Variants in PROX2 observed in about 807,000 individuals in gnomAD.
PROX2 encodes prospero homeobox 2.
A neutral mutation model predicts 48.9 loss-of-function variants in PROX2; 46 were observed. The observed-to-expected ratio is 0.94, with a 90% CI of 0.74 to 1.20. PROX2 has a LOEUF of 1.20. Among genes scored for constraint, PROX2 ranks in the 50% most tolerant of loss-of-function variants. The pLI is 0.00. For missense variants in PROX2, 663 were observed against 719.4 expected, an observed-to-expected ratio of 0.92 and a Z score of 0.90; for synonymous variants, 260 against 276.6, an observed-to-expected ratio of 0.94 and a Z score of 0.60.
intron 2 of PROX2, among the ~76,000 whole-genome samples, chr14:74,870,439 A>ATACACACACACAC (rs1555371979): frequency 6.3e-4 from 19 of 29,950 alleles, no homozygotes; most frequent in African/African-American, 3.3e-3. Context: ...AAAAAAAAAA[A>ATACACACACACAC]ATACACACAC....
rs550531396 is a variant in PROX2 at position 74,866,688 on chromosome 14, G to A, written c.-174-2680C>T. ...ACAGGGAGAAAAAAGCCTGATTGAC[G>A]TGGATTTAAGGGAGAGGACAAGAAG... On this transcript the variant is annotated intron_variant, in intron 2 of 5. Coordinates refer to ENST00000556489, the MANE Select transcript of PROX2 (RefSeq NM_001243007.2). 1.7e-4 allele frequency among the ~76,000 whole-genome samples: 26 copies of A among 152,308 alleles called. 1 individual carries two copies. The highest frequency in any genetic ancestry group is 6.2e-4 in the South Asian group (3 of 4,826).
In PROX2 at chr14:74,862,648, T is replaced by C. The variant is rs374409332; in HGVS notation, c.1187A>G (p.Gln396Arg). 2.5e-6 allele frequency: 4 copies of C among 1,613,930 alleles called. No homozygotes were observed. Among genetic ancestry groups the C allele is most frequent in the Non-Finnish European group, 3.4e-6 (4 of 1,179,906 alleles). Reference sequence around the variant, plus strand: ...GGCAGAGGTGAAAGGCAAGGGACACTGCTGCTGGCTCAGGACCAATGGTTG... The same window carrying C: ...GGCAGAGGTGAAAGGCAAGGGACACCGCTGCTGGCTCAGGACCAATGGTTG... ...KPQPLVLSQQ[Q>R]CPLPFTSAHL... is the part of the protein sequence containing the mutation. The change falls in exon 3 of 6, where the codon CAG (glutamine) becomes CGG (arginine). Residue 396 changes from glutamine (Q) to arginine (R), a missense_variant. By Grantham distance (43) the Gln-to-Arg change is conservative. Transcript: ENST00000556489.
intron 1 of PROX2, chr14:74,874,138 A>G: frequency 1.9e-6 from 1 of 522,556 alleles, no homozygotes; most frequent in Non-Finnish European, 3.9e-6. Flanking sequence ...CAAGAACAGC[A>G]GTATATTCTT....
Position 74,854,182 on chromosome 14 carries a change from G to A in PROX2, c.*950C>T. Reference sequence around the variant, plus strand: ...GAAGTTCAGCTTCTTCTGCATATATGAGGTTGGGGCACCAATTGCAATGGT... The same window carrying A: ...GAAGTTCAGCTTCTTCTGCATATATAAGGTTGGGGCACCAATTGCAATGGT... On this transcript the variant is annotated 3_prime_UTR_variant, in exon 6 of 6. Transcript: ENST00000556489. The A allele has an allele frequency of 2.4e-6, 1 of 420,556 alleles. No individual in the cohort carries two copies. Among genetic ancestry groups the A allele is most frequent in the Non-Finnish European group, 4.8e-6 (1 of 208,322 alleles). 26.1% of individuals were successfully genotyped at this position (420,556 alleles called of 1,614,324 possible).
chr14:74,873,789 G>T lies in PROX2; in HGVS notation c.-310+2106C>A, dbSNP rs1186370781. ...ACAGTATCCCACCAAGCTTCACATT[G>T]CAGCATGTATGCTGTATGCAATCCA... On this transcript the variant is annotated intron_variant, in intron 1 of 5. Coordinates refer to ENST00000556489, the MANE Select transcript of PROX2 (RefSeq NM_001243007.2). 3 of 461,994 alleles carry T rather than the reference G, an allele frequency of 6.5e-6. No homozygotes were observed. In the East Asian group the frequency reaches 1.7e-4, roughly 25 times the overall value. 28.6% of individuals were successfully genotyped at this position (461,994 alleles called of 1,614,324 possible). A position where few individuals can be genotyped will look rare whatever the true frequency, so the allele number is the denominator to read the frequency against.
Position 74,876,086 on chromosome 14 carries a change from G to T in PROX2, c.-501C>A, listed in dbSNP as rs1883338181. ...CGTGGCTGGGTGAGGGGAGGCTCTGGCCCCTTCTTAGCACAAGGCACTGTC... is the reference window on the plus strand; with the variant it reads ...CGTGGCTGGGTGAGGGGAGGCTCTGTCCCCTTCTTAGCACAAGGCACTGTC... On this transcript the variant is annotated 5_prime_UTR_variant, in exon 1 of 6. Transcript: ENST00000556489. 6.6e-6 allele frequency among the ~76,000 whole-genome samples: 1 copy of T among 152,204 alleles called. No individual in the cohort carries two copies. The highest frequency in any genetic ancestry group is 1.5e-5 in the Non-Finnish European group (1 of 68,038).
intron 1 of PROX2, among the ~76,000 whole-genome samples, chr14:74,871,560 G>A (rs1883216546): frequency 6.6e-6 from 1 of 152,044 alleles, no homozygotes; most frequent in Non-Finnish European, 1.5e-5. Context: ...GATCACCTGA[G>A]CCCAGGAGTT....
chr14:74,875,112 T>C (rs1189142105), intron 1 of PROX2, among the ~76,000 whole-genome samples: 1 of 151,828 alleles, frequency 6.6e-6, no homozygotes, highest in Non-Finnish European at 1.5e-5. Flanking sequence ...GCCATTGCAC[T>C]CCAGCCTGGG....
intron 3 of PROX2, chr14:74,861,362 G>A (rs768487995): frequency 3.0e-4 from 158 of 519,444 alleles, no homozygotes; most frequent in Non-Finnish European, 4.3e-4. Flanking sequence ...TGTTAGAAGT[G>A]GTCATATGGG....
chr14:74,855,177 G>A lies in PROX2; in HGVS notation c.1734C>T (p.Asp578=). ...KPIYKIISKL[D]SDIPEIFKSS... Reference sequence around the variant, plus strand: ...ATTTGAATATCTCTGGGATGTCACTGTCCAGTTTCGAAATAATTTTATAAA... The same window carrying A: ...ATTTGAATATCTCTGGGATGTCACTATCCAGTTTCGAAATAATTTTATAAA... Residue 578 remains aspartate (D), a synonymous_variant, in exon 6 of 6, where the codon GAC becomes GAT. Transcript: ENST00000556489. The A allele has an allele frequency of 1.3e-6, 2 of 1,594,690 alleles. No homozygotes were observed. The highest frequency in any genetic ancestry group is 1.7e-6 in the Non-Finnish European group (2 of 1,167,528).
intron 3 of PROX2, chr14:74,858,767 G>T (rs1431243025): frequency 1.1e-5 from 4 of 368,122 alleles, no homozygotes; most frequent in East Asian, 5.4e-5. Flanking sequence ...TCAAATACAG[G>T]TTGGTGTATT....
In PROX2 at chr14:74,855,305, G is replaced by A. The variant is rs960851754; in HGVS notation, c.1609-3C>T. On this transcript the variant is annotated splice_polypyrimidine_tract_variant and splice_region_variant and intron_variant, in intron 5 of 5. Coordinates refer to ENST00000556489, the MANE Select transcript of PROX2 (RefSeq NM_001243007.2). ...ATTTCCAAGAAGCAATCTGGAACCT[G>A]CATTTCCAAAGAGACCCACAAGAAA... The A allele has an allele frequency of 5.2e-6, 8 of 1,546,104 alleles. No individual in the cohort carries two copies. The African/African-American group carries it at 1.1e-4, about 21-fold the overall frequency.
chr14:74,871,705 G>A (rs2080086), intron 1 of PROX2: 50,691 of 152,114 alleles, frequency 0.33, 8,737 homozygotes, highest in African/African-American at 0.4. Context: ...CCAGGAGGTC[G>A]AGGCTATAGT....
rs554733085 is a variant in PROX2, at chr14:74,854,644, T to G, written c.*488A>C. On this transcript the variant is annotated 3_prime_UTR_variant, in exon 6 of 6. Coordinates refer to ENST00000556489, the MANE Select transcript of PROX2 (RefSeq NM_001243007.2). ...GAAAAGCTTAAAGTATGTGAAAGTA[T>G]CTAGCAAATAGATGGCGCTTTATAA... 6.5e-6 allele frequency: 1 copy of G among 153,732 alleles called. No homozygotes were observed. The highest frequency in any genetic ancestry group is 2.4e-5 in the African/African-American group (1 of 41,564). The allele number at this position is 153,732 out of a possible 1,614,324, so 9.5% of individuals were successfully genotyped here. A position where few individuals can be genotyped will look rare whatever the true frequency, so the allele number is the denominator to read the frequency against.
chr14:74,863,329 C>G lies in PROX2; in HGVS notation c.506G>C (p.Gly169Ala). ...TAQGPGGCGT[G>A]KGPLSAKQGN... ...CTGCTTTGCACTCAGAGGGCCTTTC[C>G]CCGTGCCACAGCCTCCTGGCCCCTG... The change falls in exon 3 of 6, where the codon GGG (glycine) becomes GCG (alanine). Residue 169 changes from glycine (G) to alanine (A), a missense_variant. Gly to Ala is a moderately conservative substitution (Grantham distance 60). Coordinates refer to ENST00000556489, the MANE Select transcript of PROX2 (RefSeq NM_001243007.2). 1 of 1,614,082 alleles carries G rather than the reference C, an allele frequency of 6.2e-7. No individual in the cohort carries two copies. The highest frequency in any genetic ancestry group is 8.5e-7 in the Non-Finnish European group (1 of 1,179,898).
Position 74,863,578 on chromosome 14 carries a change from T to C in PROX2, c.257A>G (p.Asn86Ser). ...CLSPNPLVPG[N>S]AQAGVSPRCP... ...GCGTGGGCTGACCCCAGCTTGCGCA[T>C]TGCCTGGCACCAGAGGATTCGGGGA... The change falls in exon 3 of 6, where the codon AAT becomes AGT. Residue 86 changes from asparagine to serine, a missense_variant. Coordinates refer to ENST00000556489, the MANE Select transcript of PROX2 (RefSeq NM_001243007.2). The C allele has an allele frequency of 3.1e-6, 5 of 1,612,876 alleles. No homozygotes were observed. The highest frequency in any genetic ancestry group is 1.7e-6 in the Non-Finnish European group (2 of 1,179,394).
chr14:74,869,399 C>T (rs1263468019), intron 2 of PROX2, among the ~76,000 whole-genome samples: 1 of 152,062 alleles, frequency 6.6e-6, no homozygotes, highest in Non-Finnish European at 1.5e-5. Context: ...CTGCCTTAGC[C>T]TCCCAAGTAG....
At chr14:74,870,439 A>AACACACACACAC (rs766736707) in intron 2 of PROX2, among the ~76,000 whole-genome samples, 2 of 29,936 alleles carry the variant, frequency 6.7e-5, no homozygotes, top group African/African-American at 4.8e-4. Flanking sequence ...AAAAAAAAAA[A>AACACACACACAC]ATACACACAC....
At chr14:74,871,673 C>G (rs770827230) in intron 1 of PROX2, 1 of 152,236 alleles carries the variant, frequency 6.6e-6, no homozygotes, top group Non-Finnish European at 1.5e-5. Context: ...ACTTGGGAGG[C>G]TGAGGTGGGA....
Sources: gnomAD v4.1 joint callset for allele counts (sites outside exome capture counted in the v4.1 genomes callset) on GRCh38, gnomAD v4.1.1 for gene constraint, MANE v1.5 for transcripts, NCBI Gene and HGNC (gene_info 2026-07-23, HGNC 2026-07-21) for gene names.